Variants in ATRNL1 observed in about 807,000 individuals in gnomAD.
ATRNL1 encodes the protein attractin like 1, also known as attractin-like protein 1.
ATRNL1 carries 95 observed loss-of-function variants against 182.7 expected under a neutral mutation model. The observed-to-expected ratio is 0.52, with a 90% CI of 0.44 to 0.62. The LOEUF is 0.62. Ranked by LOEUF, ATRNL1 falls within the 20% of genes least tolerant of loss-of-function variation. ATRNL1 has a pLI of 0.00. For missense variants in ATRNL1, 1,471 were observed against 1,679.5 expected (o/e 0.88, Z 2.17); for synonymous variants, 576 against 568.3 (o/e 1.01, Z -0.19).
intron 26 of ATRNL1, among the ~76,000 whole-genome samples, chr10:115,639,880 G>T (rs1396777610): frequency 6.6e-6 from 1 of 151,766 alleles, no homozygotes; most frequent in Non-Finnish European, 1.5e-5. Context: ...GTATATACAT[G>T]TGCCATGGTG....
At chr10:115,111,784 T>C (rs1224735833) in intron 1 of ATRNL1, among the ~76,000 whole-genome samples, 10 of 152,286 alleles carry the variant, frequency 6.6e-5, no homozygotes, top group East Asian at 1.9e-4. Context: ...GTCAGATAGA[T>C]AATGGTTAAA....
chr10:115,597,125 G>A (rs1336037408), intron 26 of ATRNL1, among the ~76,000 whole-genome samples: 9 of 152,068 alleles, frequency 5.9e-5, no homozygotes, highest in African/African-American at 2.2e-4. Flanking sequence ...TTACTCCAAA[G>A]GATACATCAT....
chr10:115,321,017 C>A (rs1300620246), intron 18 of ATRNL1, among the ~76,000 whole-genome samples: 1 of 152,018 alleles, frequency 6.6e-6, no homozygotes, highest in Non-Finnish European at 1.5e-5. Flanking sequence ...TTGAGTTTGT[C>A]TAGTTTTGAG....
intron 20 of ATRNL1, among the ~76,000 whole-genome samples, chr10:115,402,412 A>C (rs1844610622): frequency 6.6e-6 from 1 of 152,180 alleles, no homozygotes; most frequent in African/African-American, 2.4e-5. Context: ...TAATTATGGA[A>C]ATAATGAATT....
intron 26 of ATRNL1, among the ~76,000 whole-genome samples, chr10:115,667,299 C>A (rs569987545): frequency 6.6e-6 from 1 of 152,144 alleles, no homozygotes; most frequent in Non-Finnish European, 1.5e-5. Context: ...TGTGGTGTAA[C>A]GAACTATCTC....
rs540438478 is a variant in ATRNL1, at chr10:115,650,370, G to C, written c.3796-76878G>C. The stretch of plus-strand genomic sequence containing the variant: ...ATGGAGGCATTGTTTATCTTATATT[G>C]TTTATCTGATTTATATATAAATAAA... On this transcript the variant is annotated intron_variant, in intron 26 of 28. Transcript: ENST00000355044. Among the ~76,000 whole-genome samples, 1,050 of 110,292 alleles carry C rather than the reference G, an allele frequency of 9.5e-3. 8 individuals carry two copies. The highest frequency in any genetic ancestry group is 0.027 in the African/African-American group (946 of 34,436). 72.4% of individuals were successfully genotyped at this position (110,292 alleles called of 152,430 possible). A position where few individuals can be genotyped will look rare whatever the true frequency, so the allele number is the denominator to read the frequency against.
intron 24 of ATRNL1, among the ~76,000 whole-genome samples, chr10:115,491,777 C>T (rs1849310704): frequency 6.6e-6 from 1 of 152,160 alleles, no homozygotes; most frequent in Non-Finnish European, 1.5e-5. Flanking sequence ...GCTGGCGTTC[C>T]AGGTGCCACT....
At chr10:115,699,154 A>G (rs1438585867) in intron 26 of ATRNL1, among the ~76,000 whole-genome samples, 2 of 152,184 alleles carry the variant, frequency 1.3e-5, no homozygotes, top group Admixed American at 6.5e-5. Flanking sequence ...TAGCTACTTT[A>G]TGGATAAAAA....
At chr10:115,370,336 A>G (rs139323811) in intron 19 of ATRNL1, among the ~76,000 whole-genome samples, 1,967 of 152,348 alleles carry the variant, frequency 0.013, 38 homozygotes, top group African/African-American at 0.044. Flanking sequence ...GTTACAGGCC[A>G]AGGTTGGAAC....
intron 28 of ATRNL1, among the ~76,000 whole-genome samples, chr10:115,903,644 T>G (rs999931332): frequency 1.2e-4 from 18 of 152,324 alleles, no homozygotes; most frequent in African/African-American, 4.3e-4. Flanking sequence ...TTTATCACCT[T>G]TAATACCTTC....
chr10:115,351,562 C>T (rs554786989), intron 19 of ATRNL1, among the ~76,000 whole-genome samples: 7 of 151,828 alleles, frequency 4.6e-5, no homozygotes, highest in Admixed American at 6.6e-5. Flanking sequence ...TTGTTAAATG[C>T]GCTATGATGT....
intron 27 of ATRNL1, among the ~76,000 whole-genome samples, chr10:115,802,618 A>C (rs2134238399): frequency 6.6e-6 from 1 of 152,344 alleles, no homozygotes; most frequent in East Asian, 1.9e-4. Flanking sequence ...CATTCTCCAG[A>C]AGTACATTTT....
chr10:115,283,131 C>T (rs1186000111), intron 14 of ATRNL1, among the ~76,000 whole-genome samples: 4 of 151,948 alleles, frequency 2.6e-5, no homozygotes, highest in African/African-American at 7.3e-5. Flanking sequence ...AATGCCATTG[C>T]GGTCAGGTAC....
intron 21 of ATRNL1, among the ~76,000 whole-genome samples, chr10:115,449,084 C>G (rs1052071886): frequency 1.3e-5 from 2 of 152,172 alleles, no homozygotes; most frequent in Non-Finnish European, 2.9e-5. Flanking sequence ...GGGCCCCACC[C>G]TCAAGCCTGG....
chr10:115,600,927 TTC>T (rs1477422470), intron 26 of ATRNL1, among the ~76,000 whole-genome samples: 7 of 65,658 alleles, frequency 1.1e-4, no homozygotes, highest in East Asian at 7.7e-4. Flanking sequence ...GTTTTTTATT[TTC>T]TTTTTTTTTT....
intron 21 of ATRNL1, among the ~76,000 whole-genome samples, chr10:115,444,805 C>T (rs533784888): frequency 1.3e-5 from 2 of 152,100 alleles, no homozygotes; most frequent in Non-Finnish European, 2.9e-5. Context: ...CATCTTGGCT[C>T]ATTGCAACTT....
intron 20 of ATRNL1, among the ~76,000 whole-genome samples, chr10:115,403,665 T>A (rs2134311867): frequency 6.6e-6 from 1 of 152,284 alleles, no homozygotes; most frequent in South Asian, 2.1e-4. Context: ...TTGGCCAAGC[T>A]GGTCTCAAAC....
chr10:115,895,626 C>T (rs565702119), intron 28 of ATRNL1, among the ~76,000 whole-genome samples: 4 of 152,170 alleles, frequency 2.6e-5, no homozygotes, highest in East Asian at 3.8e-4. Context: ...CACTGAATAC[C>T]GGACACTGCT....
intron 28 of ATRNL1, among the ~76,000 whole-genome samples, chr10:115,851,548 A>AG (rs1555100526): frequency 3.3e-5 from 5 of 152,144 alleles, no homozygotes. Context: ...GTGCCAACTC[A>AG]TCCCTTAGAT....
Sources: allele counts gnomAD v4.1 joint callset (sites outside exome capture counted in the v4.1 genomes callset), GRCh38; gene constraint gnomAD v4.1.1; transcripts MANE v1.5; gene names NCBI Gene and HGNC (gene_info 2026-07-23, HGNC 2026-07-21).